PFKFB2: variants seen among roughly 807,000 people sequenced by gnomAD.
The protein encoded by PFKFB2 is 6-phosphofructo-2-kinase/fructose-2,6-biphosphatase 2, also known as 6-phosphofructo-2-kinase/fructose-2,6-bisphosphatase 2.
Under a neutral mutation model 68.0 loss-of-function variants are expected in PFKFB2, and 53 were observed. The observed-to-expected ratio is 0.78, with a 90% CI of 0.63 to 0.98. PFKFB2 has a LOEUF of 0.98. Among genes scored for constraint, PFKFB2 ranks in the 50% least tolerant of loss-of-function variants. The pLI is 0.00. For synonymous variants in PFKFB2, 222 were observed against 227.6 expected (o/e 0.98, Z 0.22); for missense variants, 451 against 642.0 (o/e 0.70, Z 3.22).
chr1:207,039,933 G>A (rs1682445975), intron 1 of PFKFB2, among the ~76,000 whole-genome samples: 1 of 152,200 alleles, frequency 6.6e-6, no homozygotes, highest in Admixed American at 6.5e-5. Flanking sequence ...CTGAGAGGCT[G>A]AGTGGTACTT....
At chr1:207,053,190 G>A (rs1447915383), upstream of PFKFB2, 2 of 152,340 alleles carry the variant, frequency 1.3e-5, no homozygotes, top group Non-Finnish European at 2.9e-5. Flanking sequence ...CGCCCGATTG[G>A]TGGATGATTC....
chr1:207,053,927 CAG>C (rs1418539749), intron 1 of PFKFB2, among the ~76,000 whole-genome samples: 4 of 99,700 alleles, frequency 4.0e-5, no homozygotes, highest in African/African-American at 1.8e-4. Context: ...TTTTTTTTGA[CAG>C]AGTCTCGCTC....
In PFKFB2 at chr1:207,063,499, C is replaced by G; in HGVS notation, c.450+78C>G. The stretch of plus-strand genomic sequence containing the variant: ...AGGCTACAGGCATGGATCTCTCACT[C>G]TAGTGGGTGAGGACAGGATGGGATA... On this transcript the variant is annotated intron_variant, in intron 6 of 14. Coordinates refer to ENST00000367080, the MANE Select transcript of PFKFB2 (RefSeq NM_006212.2). This position sits in a 1 kb window ranked among gnomAD's most constrained non-coding sequence, Gnocchi z 4.1. The G allele has an allele frequency of 2.1e-6, 2 of 959,668 alleles. No homozygotes were observed. Among genetic ancestry groups the G allele is most frequent in the Non-Finnish European group, 3.3e-6 (2 of 599,842 alleles). The allele number at this position is 959,668 out of a possible 1,614,324, so 59.4% of individuals were successfully genotyped here.
At chr1:207,068,994 C>T (rs1284397885) in intron 10 of PFKFB2, among the ~76,000 whole-genome samples, 1 of 152,224 alleles carries the variant, frequency 6.6e-6, no homozygotes, top group Non-Finnish European at 1.5e-5. Context: ...ATCCACCCGC[C>T]TTGGCCACCC....
At chr1:207,060,358 A>G (rs2102345229) in intron 2 of PFKFB2, among the ~76,000 whole-genome samples, 1 of 152,344 alleles carries the variant, frequency 6.6e-6, no homozygotes. Context: ...TTTACTAAGG[A>G]AGGGTAGACT....
downstream of PFKFB2, chr1:207,079,059 G>T (rs995570403): frequency 2.6e-6 from 4 of 1,539,236 alleles, no homozygotes; most frequent in African/African-American, 4.1e-5. Flanking sequence ...AAACGACTGG[G>T]ATCTACTGAA....
In PFKFB2 at chr1:207,072,199, A is replaced by G; in HGVS notation, c.1351-5A>G. On this transcript the variant is annotated splice_polypyrimidine_tract_variant and splice_region_variant and intron_variant, in intron 14 of 14. Transcript: ENST00000367080. ...TTTGTGTGGTGTCACTCCATTTCCA[A>G]TCAGAACAACTTCCCCAAGAACCAA... The G allele has an allele frequency of 1.9e-6, 3 of 1,613,296 alleles. No individual in the cohort carries two copies. Among genetic ancestry groups the G allele is most frequent in the East Asian group, 2.2e-5 (1 of 44,882 alleles).
intron 2 of PFKFB2, among the ~76,000 whole-genome samples, chr1:207,042,549 C>CAAA (rs57077682): frequency 0.027 from 1,222 of 44,664 alleles, 157 homozygotes; most frequent in Non-Finnish European, 0.04. Context: ...CTCTGTCTCA[C>CAAA]AAAAAAAAAA....
chr1:207,076,077 T>C lies in PFKFB2; in HGVS notation c.*3706T>C. ...TATTGTTTGTTTGTTTCCAAAGAAG[T>C]TGGAGTTAAGGACACAATATATTTG... On this transcript the variant is annotated 3_prime_UTR_variant, in exon 15 of 15. Coordinates refer to ENST00000367080, the MANE Select transcript of PFKFB2 (RefSeq NM_006212.2). 1.0e-6 allele frequency: 1 copy of C among 985,416 alleles called. No individual in the cohort carries two copies. The highest frequency in any genetic ancestry group is 1.2e-6 in the Non-Finnish European group (1 of 829,918). The allele number at this position is 985,416 out of a possible 1,614,324, so 61.0% of individuals were successfully genotyped here.
At chr1:207,045,712 T>C (rs1358267767) in intron 2 of PFKFB2, 1 of 152,084 alleles carries the variant, frequency 6.6e-6, no homozygotes, top group African/African-American at 2.4e-5. Context: ...ACACCCACGT[T>C]TTAATCCCTC....
chr1:207,052,333 G>C (rs1002976412), upstream of PFKFB2: 17 of 1,048,768 alleles, frequency 1.6e-5, no homozygotes, highest in Admixed American at 2.3e-4. Context: ...CCTGGGTTAG[G>C]GGGTAGGTAG....
rs1001574000 is a variant in PFKFB2 at position 207,076,465 on chromosome 1, G to A, written c.*4094G>A. The A allele has an allele frequency of 2.4e-5, 24 of 985,198 alleles. No individual in the cohort carries two copies. The African/African-American group carries it at 3.8e-4, about 16-fold the overall frequency. The allele number at this position is 985,198 out of a possible 1,614,324, so 61.0% of individuals were successfully genotyped here. On this transcript the variant is annotated 3_prime_UTR_variant, in exon 15 of 15. Transcript: ENST00000367080. ...TGATAGATTTACCCAGCTTTTCTATGTATTTTGACTTATTGAAAATATGTA... is the reference window on the plus strand; with the variant it reads ...TGATAGATTTACCCAGCTTTTCTATATATTTTGACTTATTGAAAATATGTA...
chr1:207,057,958 G>A (rs1038971917), intron 2 of PFKFB2, among the ~76,000 whole-genome samples: 17 of 152,148 alleles, frequency 1.1e-4, no homozygotes, highest in African/African-American at 4.1e-4. Context: ...TTGCACATTT[G>A]TGACAGCAAC....
At chr1:207,050,865 C>A (rs778687294), upstream of PFKFB2, 2 of 1,611,426 alleles carry the variant, frequency 1.2e-6, no homozygotes, top group Admixed American at 3.3e-5. Context: ...ACATGGGTGC[C>A]GTCCTTGGCC....
At chr1:207,049,764 C>T, upstream of PFKFB2, 4 of 1,549,738 alleles carry the variant, frequency 2.6e-6, no homozygotes, top group Non-Finnish European at 3.5e-6. Context: ...AAAGAAATTA[C>T]AGAAGAAACC....
chr1:207,071,419 G>T (rs77563599), intron 13 of PFKFB2, 90 bp from the exon 14 acceptor site: 6 of 1,147,734 alleles, frequency 5.2e-6, no homozygotes, highest in Non-Finnish European at 7.9e-6. Flanking sequence ...TGCAGAATGC[G>T]TACATTCCTT....
upstream of PFKFB2, among the ~76,000 whole-genome samples, chr1:207,049,956 G>T (rs1340066512): frequency 6.6e-6 from 1 of 152,206 alleles, no homozygotes; most frequent in Non-Finnish European, 1.5e-5. Flanking sequence ...TAGTGAAGGG[G>T]TCTGGAGTAA....
At chr1:207,064,991 C>G (rs200901163) in intron 7 of PFKFB2, 45 bp from the exon 8 acceptor site, 1 of 1,595,996 alleles carries the variant, frequency 6.3e-7, no homozygotes, top group East Asian at 2.2e-5. Flanking sequence ...AGGACTGTTA[C>G]GGGCAGACCT....
intron 9 of PFKFB2, among the ~76,000 whole-genome samples, chr1:207,067,933 T>A (rs17020154): frequency 6.6e-6 from 1 of 152,216 alleles, no homozygotes; most frequent in South Asian, 2.1e-4. Flanking sequence ...CAGATATTCA[T>A]TGGGCACAAC....
Sources: allele counts gnomAD v4.1 joint callset (sites outside exome capture counted in the v4.1 genomes callset), GRCh38; gene constraint gnomAD v4.1.1; non-coding constraint Gnocchi (gnomAD v3.1); transcripts MANE v1.5; gene names NCBI Gene and HGNC (gene_info 2026-07-23, HGNC 2026-07-21).